The following ADGRE2 variants were observed in gnomAD, a reference collection of about 807,000 sequenced individuals.
ADGRE2 encodes the protein adhesion G protein-coupled receptor E2.
ADGRE2 carries 83 observed loss-of-function variants against 100.8 expected under a neutral mutation model. That is an observed-to-expected ratio of 0.82 (90% CI 0.69 to 0.99). ADGRE2 has a LOEUF of 0.99. ADGRE2 is among the 50% of genes least tolerant of loss of function. ADGRE2 has a pLI of 0.00. For synonymous variants in ADGRE2, 355 were observed against 413.0 expected (o/e 0.86, Z 1.70); for missense variants, 814 against 1,035.7 (o/e 0.79, Z 2.94).
chr19:14,749,936 A>G (rs1347347069), intron 16 of ADGRE2, among the ~76,000 whole-genome samples: 1 of 15,502 alleles, frequency 6.5e-5, no homozygotes, highest in Admixed American at 6.0e-4. Context: ...TTATGTAATT[A>G]TTCATAGTTA....
intron 17 of ADGRE2, 84 bp from the exon 18 acceptor site, chr19:14,746,407 C>G (rs567839042): frequency 2.9e-5 from 23 of 798,050 alleles, no homozygotes; most frequent in Admixed American, 2.1e-4. Flanking sequence ...GGGTCTTGCT[C>G]TGTTGCCCAG....
chr19:14,755,151 G>C, intron 13 of ADGRE2, 24 bp from the exon 14 acceptor site: 3 of 1,606,674 alleles, frequency 1.9e-6, no homozygotes, highest in Non-Finnish European at 1.7e-6. Flanking sequence ...ACACAGGTGT[G>C]GGCTGGGCAT....
At chr19:14,754,132 T>G (rs3094743) in intron 14 of ADGRE2, among the ~76,000 whole-genome samples, 5 of 151,448 alleles carry the variant, frequency 3.3e-5, no homozygotes, top group African/African-American at 1.2e-4. Flanking sequence ...ATCTTTCTCC[T>G]GTGCTGGATG....
At chr19:14,731,398 C>G (rs2042670298), downstream of ADGRE2, 8 of 585,332 alleles carry the variant, frequency 1.4e-5, no homozygotes, top group South Asian at 4.4e-5. Flanking sequence ...TCACATACTT[C>G]TGGCTTCCGG....
At chr19:14,727,270 C>T in the ADGRE2 span, among the ~76,000 whole-genome samples, 6 of 152,074 alleles carry the variant, frequency 3.9e-5, no homozygotes, top group East Asian at 3.8e-4. Flanking sequence ...CCTTGTGATC[C>T]GCCCGCCTTG....
chr19:14,739,793 C>A (rs1333600369), intron 20 of ADGRE2, among the ~76,000 whole-genome samples: 1 of 152,052 alleles, frequency 6.6e-6, no homozygotes, highest in Non-Finnish European at 1.5e-5. Flanking sequence ...AGTATGAAGG[C>A]TGTAGGAGAG....
At chr19:14,772,303 C>T (rs376722136) in intron 5 of ADGRE2, 39 bp downstream of exon 5, 19 of 1,613,180 alleles carry the variant, frequency 1.2e-5, no homozygotes, top group Non-Finnish European at 1.6e-5. Flanking sequence ...CCCCAAACCT[C>T]ATGGACAGTG....
rs373694959 is a variant in ADGRE2 at position 14,772,480 on chromosome 19, T to C, written c.217A>G (p.Thr73Ala). 1.5e-4 allele frequency: 246 copies of C among 1,613,890 alleles called. No individual in the cohort carries two copies. Among genetic ancestry groups the C allele is most frequent in the Non-Finnish European group, 2.1e-4 (242 of 1,180,004 alleles). ...TTTCCGCATGACACTTTCGACAGTG[T>C]TGCACACTCGTTGATGTCTGGAACA... ...ETCDDINECA[T>A]LSKVSCGKFS... Residue 73 changes from threonine to alanine, a missense_variant, in exon 5 of 21, where the codon ACA (threonine) becomes GCA (alanine). By Grantham distance (58) the Thr-to-Ala change is moderately conservative. This residue lies in a region of ADGRE2 where 143 missense variants were observed against 160.3 expected (regional missense o/e 0.89). Coordinates refer to ENST00000315576, the MANE Select transcript of ADGRE2 (RefSeq NM_013447.4).
At chr19:14,740,688 G>C (rs538995286) in intron 20 of ADGRE2, among the ~76,000 whole-genome samples, 1 of 151,562 alleles carries the variant, frequency 6.6e-6, no homozygotes, top group East Asian at 1.9e-4. Flanking sequence ...TGTGGAAAAA[G>C]TGCCTGGCAG....
chr19:14,736,937 A>G (rs2147078482), intron 20 of ADGRE2, among the ~76,000 whole-genome samples: 1 of 106,990 alleles, frequency 9.3e-6, no homozygotes, highest in Admixed American at 9.3e-5. Flanking sequence ...ATTTAGAAAT[A>G]TATATGACTA....
At chr19:14,728,092 A>C (rs1277386819), downstream of ADGRE2, among the ~76,000 whole-genome samples, 1 of 152,162 alleles carries the variant, frequency 6.6e-6, no homozygotes, top group Non-Finnish European at 1.5e-5. Flanking sequence ...GGGCGCCTGT[A>C]GTCCCAACTA....
intron 1 of ADGRE2, chr19:14,777,191 C>G: frequency 1.5e-6 from 1 of 657,618 alleles, no homozygotes; most frequent in Non-Finnish European, 1.9e-6. Flanking sequence ...TTGGCTCTTC[C>G]CTGGGCAGGC....
intron 10 of ADGRE2, 67 bp from the exon 11 acceptor site, chr19:14,764,677 C>T: frequency 2.0e-6 from 3 of 1,488,010 alleles, no homozygotes; most frequent in Non-Finnish European, 2.7e-6. Flanking sequence ...ACTCCAACCG[C>T]TCAGCCCCAG....
the ADGRE2 span, among the ~76,000 whole-genome samples, chr19:14,725,463 T>C: frequency 6.6e-6 from 1 of 152,160 alleles, no homozygotes; most frequent in Admixed American, 6.6e-5. Context: ...TGTTCCACCA[T>C]CAACTCAATC....
chr19:14,770,270 C>T (rs187054045), intron 5 of ADGRE2, among the ~76,000 whole-genome samples: 1 of 152,054 alleles, frequency 6.6e-6, no homozygotes, highest in African/African-American at 2.4e-5. Flanking sequence ...GTATCTCCTC[C>T]CTTCTCTCTT....
chr19:14,736,627 G>GAAATATATA (rs1242565982), intron 20 of ADGRE2, among the ~76,000 whole-genome samples: 2 of 145,514 alleles, frequency 1.4e-5, no homozygotes, highest in African/African-American at 2.5e-5. Flanking sequence ...TAGATATTTA[G>GAAATATATA]AAATATATAG....
chr19:14,777,601 C>A (rs914574251), intron 1 of ADGRE2, among the ~76,000 whole-genome samples: 2 of 152,038 alleles, frequency 1.3e-5, no homozygotes, highest in African/African-American at 4.8e-5. Context: ...CCTATCAACT[C>A]GTCATTTACA....
intron 2 of ADGRE2, among the ~76,000 whole-genome samples, chr19:14,775,141 T>G (rs1206255437): frequency 6.6e-6 from 1 of 150,680 alleles, no homozygotes; most frequent in African/African-American, 2.4e-5. Flanking sequence ...TGGCTGGGAC[T>G]ACAGGCATGA....
chr19:14,778,027 G>A (rs1481026828), intron 1 of ADGRE2, among the ~76,000 whole-genome samples: 1 of 152,188 alleles, frequency 6.6e-6, no homozygotes, highest in African/African-American at 2.4e-5. Context: ...GGATCGCTGA[G>A]TCAAATGGTA....
Sources: allele counts gnomAD v4.1 joint callset (sites outside exome capture counted in the v4.1 genomes callset), GRCh38; gene constraint gnomAD v4.1.1; regional missense constraint gnomAD v4.1.1; transcripts MANE v1.5; gene names NCBI Gene and HGNC (gene_info 2026-07-23, HGNC 2026-07-21).